Variants in PAK2 observed in about 807,000 individuals in gnomAD.
The protein encoded by PAK2 is serine/threonine-protein kinase PAK 2.
A neutral mutation model predicts 65.9 loss-of-function variants in PAK2; 21 were observed. That is an observed-to-expected ratio of 0.32 (90% CI 0.23 to 0.46). The LOEUF is 0.46. Among genes scored for constraint, PAK2 ranks in the 20% least tolerant of loss-of-function variants. The pLI is 1.00. For synonymous variants in PAK2, 204 were observed against 219.7 expected, an observed-to-expected ratio of 0.93 and a Z score of 0.63; for missense variants, 324 against 642.6, an observed-to-expected ratio of 0.50 and a Z score of 5.36.
chr3:196,827,531 C>T (rs1185329926), intron 14 of PAK2, 198 bp downstream of exon 14: 1 of 670,220 alleles, frequency 1.5e-6, no homozygotes, highest in Non-Finnish European at 1.8e-6. Context: ...CATGTTCCCA[C>T]TCATAGGTGG....
At chr3:196,761,840 C>T (rs1713981438) in intron 1 of PAK2, among the ~76,000 whole-genome samples, 1 of 148,766 alleles carries the variant, frequency 6.7e-6, no homozygotes, top group Non-Finnish European at 1.5e-5. Context: ...GGGCTGACCC[C>T]CCCCCACCTC....
chr3:196,768,186 A>G (rs768830041), intron 1 of PAK2, among the ~76,000 whole-genome samples: 1 of 152,106 alleles, frequency 6.6e-6, no homozygotes, highest in Admixed American at 6.5e-5. Flanking sequence ...GCACATTGCA[A>G]AACATCGGAT....
Position 196,820,474 on chromosome 3 carries a change from T to C in PAK2, c.1257T>C (p.Ala419=). Residue 419 remains alanine (A), a synonymous_variant, in exon 13 of 15, where the codon GCT becomes GCC. Coordinates refer to ENST00000327134, the MANE Select transcript of PAK2 (RefSeq NM_002577.4). The surrounding 1 kb of genome is among the most constrained non-coding windows in gnomAD (Gnocchi z 4.6). The stretch of plus-strand genomic sequence containing the variant: ...CACCAGAGGTGGTTACACGGAAAGC[T>C]TATGGCCCTAAAGTCGACATATGGT... ...WMAPEVVTRK[A]YGPKVDIWSL... 6.2e-7 allele frequency: 1 copy of C among 1,613,052 alleles called. No individual in the cohort carries two copies. Among genetic ancestry groups the C allele is most frequent in the South Asian group, 1.1e-5 (1 of 90,998 alleles).
At chr3:196,766,931 CGTGT>C (rs60929724) in intron 1 of PAK2, among the ~76,000 whole-genome samples, 9,312 of 134,302 alleles carry the variant, frequency 0.069, 494 homozygotes, top group East Asian at 0.3. Context: ...AAGTACACCC[CGTGT>C]GTGTGTGTGT....
intron 1 of PAK2, among the ~76,000 whole-genome samples, chr3:196,774,038 A>C (rs1879816): frequency 0.4 from 61,019 of 151,864 alleles, 12,550 homozygotes; most frequent in Admixed American, 0.47. Flanking sequence ...TCTCAAAAAA[A>C]AACAACAACA....
At chr3:196,750,736 T>A (rs1246356181) in intron 1 of PAK2, among the ~76,000 whole-genome samples, 1 of 142,210 alleles carries the variant, frequency 7.0e-6, no homozygotes, top group Non-Finnish European at 1.5e-5. Context: ...AAATGAATGC[T>A]TAAAACCTAA....
chr3:196,811,318 CCTT>C (rs1715806789), intron 8 of PAK2, among the ~76,000 whole-genome samples: 2 of 38,032 alleles, frequency 5.3e-5, no homozygotes, highest in Admixed American at 3.5e-4. Context: ...CCCTTCCTTT[CCTT>C]CCTTCCCTTC....
Position 196,828,300 on chromosome 3 carries a change from T to G in PAK2, c.1489-19T>G. The stretch of plus-strand genomic sequence containing the variant: ...ATGAATGGCACTTATACATTTATTT[T>G]TCCCCTTCTTTCTGGCAGCATCCTT... On this transcript the variant is annotated intron_variant, in intron 14 of 14. Coordinates refer to ENST00000327134, the MANE Select transcript of PAK2 (RefSeq NM_002577.4). 1 of 1,476,772 alleles carries G rather than the reference T, an allele frequency of 6.8e-7. No homozygotes were observed. Among genetic ancestry groups the G allele is most frequent in the Non-Finnish European group, 9.4e-7 (1 of 1,060,116 alleles). The allele number at this position is 1,476,772 out of a possible 1,614,324, so 91.5% of individuals were successfully genotyped here.
intron 1 of PAK2, among the ~76,000 whole-genome samples, chr3:196,752,018 C>T (rs1317803670): frequency 2.0e-5 from 3 of 152,034 alleles, no homozygotes; most frequent in African/African-American, 7.2e-5. Context: ...GCTGGGATTA[C>T]AGGTGTGAGC....
intron 1 of PAK2, among the ~76,000 whole-genome samples, chr3:196,760,129 T>G (rs1713912712): frequency 6.6e-6 from 1 of 152,134 alleles, no homozygotes; most frequent in South Asian, 2.1e-4. Flanking sequence ...ATTGTATGGG[T>G]GAAAGAGACA....
chr3:196,810,689 T>C (rs138197388), intron 8 of PAK2, 36 bp downstream of exon 8: 82 of 1,013,940 alleles, frequency 8.1e-5, no homozygotes, highest in Non-Finnish European at 1.3e-4. Context: ...TAATATTCAG[T>C]ATTCAGTATT....
rs1353698728 is a variant in PAK2 at position 196,746,827 on chromosome 3, A to AG, written c.-22+6670_-22+6671insG. Among the ~76,000 whole-genome samples the AG allele has an allele frequency of 7.4e-3, 620 of 83,322 alleles. 5 individuals are homozygous for AG. The highest frequency in any genetic ancestry group is 0.03 in the African/African-American group (584 of 19,696). 54.7% of individuals were successfully genotyped at this position (83,322 alleles called of 152,430 possible). A position where few individuals can be genotyped will look rare whatever the true frequency, so the allele number is the denominator to read the frequency against. On this transcript the variant is annotated intron_variant, in intron 1 of 14. Transcript: ENST00000327134. ...CTCTGTCTCATTAAAAAAAAAAAAA[A>AG]AAAGGATAGGCCTTTATGATAACTT...
At chr3:196,785,696 C>A (rs955731678) in intron 2 of PAK2, among the ~76,000 whole-genome samples, 4 of 152,114 alleles carry the variant, frequency 2.6e-5, no homozygotes, top group African/African-American at 7.2e-5. Context: ...GTAATTTATA[C>A]AAGAAAAAGG....
In PAK2 at chr3:196,782,790, G is replaced by A; in HGVS notation, c.144G>A (p.Lys48=). The change falls in exon 2 of 15, where the codon AAG becomes AAA. Residue 48 remains lysine, a synonymous_variant. Coordinates refer to ENST00000327134, the MANE Select transcript of PAK2 (RefSeq NM_002577.4). ...KPLPSVPEEK[K]PRHKIISIFS... Reference sequence around the variant, plus strand: ...TGCCCTCTGTTCCAGAAGAGAAAAAGCCCAGGCATAAAATCATCTCCATAT... The same window carrying A: ...TGCCCTCTGTTCCAGAAGAGAAAAAACCCAGGCATAAAATCATCTCCATAT... 1 of 1,613,390 alleles carries A rather than the reference G, an allele frequency of 6.2e-7. No individual in the cohort carries two copies. The highest frequency in any genetic ancestry group is 1.1e-5 in the South Asian group (1 of 90,944).
chr3:196,759,628 G>A (rs1713897253), intron 1 of PAK2, among the ~76,000 whole-genome samples: 2 of 146,862 alleles, frequency 1.4e-5, no homozygotes, highest in East Asian at 2.1e-4. Context: ...CCAGGTTCAA[G>A]CAATTCTTCT....
At chr3:196,769,628 G>A (rs546066655) in intron 1 of PAK2, among the ~76,000 whole-genome samples, 123 of 140,450 alleles carry the variant, frequency 8.8e-4, no homozygotes, top group Non-Finnish European at 1.4e-3. Context: ...TGGCTAACAC[G>A]GTGAAACCCC....
chr3:196,748,714 A>AT (rs1252716043), intron 1 of PAK2, among the ~76,000 whole-genome samples: 2 of 152,140 alleles, frequency 1.3e-5, no homozygotes, highest in African/African-American at 4.8e-5. Flanking sequence ...ACATTCACCT[A>AT]TTGAAGGACC....
chr3:196,802,903 C>A, intron 3 of PAK2, 114 bp from the exon 4 acceptor site: 1 of 622,904 alleles, frequency 1.6e-6, no homozygotes, highest in Non-Finnish European at 2.6e-6. Flanking sequence ...AAAATTTACT[C>A]AAACCTACAC....
At chr3:196,767,589 C>T (rs1330900316) in intron 1 of PAK2, among the ~76,000 whole-genome samples, 1 of 150,676 alleles carries the variant, frequency 6.6e-6, no homozygotes, top group African/African-American at 2.5e-5. Context: ...CCCGGGTTCA[C>T]GCCATTCTCC....
Sources: allele counts gnomAD v4.1 joint callset (sites outside exome capture counted in the v4.1 genomes callset), GRCh38; gene constraint gnomAD v4.1.1; non-coding constraint Gnocchi (gnomAD v3.1); transcripts MANE v1.5; gene names NCBI Gene and HGNC (gene_info 2026-07-23, HGNC 2026-07-21).